Variants in DOCK1 observed in about 807,000 individuals in gnomAD.
DOCK1 encodes dedicator of cytokinesis protein 1.
In DOCK1, 138 loss-of-function variants were observed where a neutral mutation model predicts 262.7. The ratio of observed to expected loss-of-function variants is 0.53; its 90% confidence interval spans 0.46 to 0.61. The LOEUF (loss-of-function observed/expected upper bound fraction) is 0.61. Among genes scored for constraint, DOCK1 ranks in the 20% least tolerant of loss-of-function variants. DOCK1 has a pLI of 0.00. For synonymous variants in DOCK1, 866 were observed against 867.4 expected (o/e 1.00, Z 0.03); for missense variants, 1,908 against 2,370.7 (o/e 0.80, Z 4.05).
Position 127,274,600 on chromosome 10 carries a change from G to A in DOCK1, c.3044+17171G>A, listed in dbSNP as rs867772516. Among the ~76,000 whole-genome samples, 5 of 152,160 alleles carry A rather than the reference G, an allele frequency of 3.3e-5. No homozygotes were observed. In the South Asian group the frequency reaches 6.2e-4, roughly 19 times the overall value. On this transcript the variant is annotated intron_variant, in intron 29 of 51. Coordinates refer to ENST00000623213, the MANE Select transcript of DOCK1 (RefSeq NM_001290223.2). The stretch of plus-strand genomic sequence containing the variant: ...CATGTTTTGCAGGCCACATGAACCT[G>A]TACAAACTAGATGTAAGAAGTGAAG...
chr10:126,980,367 A>G (rs1040590898), intron 3 of DOCK1, among the ~76,000 whole-genome samples: 7 of 151,788 alleles, frequency 4.6e-5, no homozygotes, highest in African/African-American at 1.7e-4. Context: ...AATTTGTAAA[A>G]AAAATTTCGG....
At chr10:127,325,902 A>T (rs1012736549) in intron 29 of DOCK1, among the ~76,000 whole-genome samples, 5 of 152,232 alleles carry the variant, frequency 3.3e-5, no homozygotes, top group African/African-American at 1.2e-4. Flanking sequence ...ACCACGAAAA[A>T]GTGAAGTTTG....
At chr10:127,079,749 G>A (rs2046791876) in intron 23 of DOCK1, among the ~76,000 whole-genome samples, 1 of 152,126 alleles carries the variant, frequency 6.6e-6, no homozygotes, top group Non-Finnish European at 1.5e-5. Context: ...TGACCAATGT[G>A]GTGAAACCCT....
At chr10:127,031,381 C>T (rs573632837) in intron 16 of DOCK1, among the ~76,000 whole-genome samples, 4 of 152,278 alleles carry the variant, frequency 2.6e-5, no homozygotes, top group Non-Finnish European at 5.9e-5. Flanking sequence ...TCCGTTTTCA[C>T]GTTCCAGGAA....
intron 27 of DOCK1, among the ~76,000 whole-genome samples, chr10:127,155,397 G>C (rs2052942588): frequency 6.6e-6 from 1 of 152,020 alleles, no homozygotes; most frequent in South Asian, 2.1e-4. Context: ...AGTGTTGCCA[G>C]GCACTTTCTG....
At chr10:127,305,991 C>T (rs1007385011) in intron 29 of DOCK1, among the ~76,000 whole-genome samples, 14 of 149,344 alleles carry the variant, frequency 9.4e-5, no homozygotes, top group South Asian at 2.1e-4. Flanking sequence ...AGCTCAAGTA[C>T]GTTTTATGCA....
chr10:127,447,659 A>T, intron 51 of DOCK1, 114 bp downstream of exon 51: 1 of 1,452,726 alleles, frequency 6.9e-7, no homozygotes, highest in Non-Finnish European at 9.1e-7. Context: ...ACATGAGGAA[A>T]ACCATGTATG....
At position 127,175,505 on chromosome 10, in the gene DOCK1, G is replaced by C. The variant is rs757623149; in HGVS notation, c.2847+47741G>C. ...CCAGGGCAGTTTCCGAGGGCGCCTG[G>C]AGCCCGTTGAGATGTGTGGCTCTCC... On this transcript the variant is annotated intron_variant, in intron 27 of 51. Transcript: ENST00000623213. This position sits in a 1 kb window ranked among gnomAD's most constrained non-coding sequence, Gnocchi z 6.3. 1 of 1,608,790 alleles carries C rather than the reference G, an allele frequency of 6.2e-7. No individual in the cohort carries two copies. Among genetic ancestry groups the C allele is most frequent in the South Asian group, 1.1e-5 (1 of 91,070 alleles).
Position 127,031,679 on chromosome 10 carries a change from C to T in DOCK1, c.1654C>T (p.Leu552=). 1.9e-6 allele frequency: 3 copies of T among 1,612,174 alleles called. No homozygotes were observed. The highest frequency in any genetic ancestry group is 8.5e-7 in the Non-Finnish European group (1 of 1,179,656). ...SKDKSEKIFA[L]AFVKLMRYDG... Reference sequence around the variant, plus strand: ...GGATAAATCTGAGAAAATATTTGCACTAGCATTTGTCAAGCTGATGAGATA... The same window carrying T: ...GGATAAATCTGAGAAAATATTTGCATTAGCATTTGTCAAGCTGATGAGATA... Residue 552 remains leucine, a synonymous_variant, in exon 17 of 52, where the codon CTA becomes TTA. Transcript: ENST00000623213.
At chr10:127,105,302 G>A (rs2048468979) in intron 23 of DOCK1, among the ~76,000 whole-genome samples, 1 of 152,124 alleles carries the variant, frequency 6.6e-6, no homozygotes, top group African/African-American at 2.4e-5. Flanking sequence ...TAATACAGGA[G>A]GTCTGTAAGA....
intron 29 of DOCK1, among the ~76,000 whole-genome samples, chr10:127,315,373 A>C (rs551020651): frequency 1.3e-5 from 2 of 152,328 alleles, no homozygotes; most frequent in African/African-American, 4.8e-5. Context: ...TCATTAAGAT[A>C]TGGCCTCATC....
chr10:126,911,851 T>A (rs1189505421), intron 1 of DOCK1, among the ~76,000 whole-genome samples: 1 of 152,178 alleles, frequency 6.6e-6, no homozygotes, highest in South Asian at 2.1e-4. Context: ...GTTCCTCAAT[T>A]TGCTTTTATT....
intron 38 of DOCK1, among the ~76,000 whole-genome samples, chr10:127,402,071 A>G (rs2067256836): frequency 6.6e-6 from 1 of 152,206 alleles, no homozygotes; most frequent in South Asian, 2.1e-4. Flanking sequence ...GTAACTCAGC[A>G]TCCTGCAGTT....
intron 33 of DOCK1, among the ~76,000 whole-genome samples, chr10:127,371,723 A>G (rs1170418000): frequency 6.6e-6 from 1 of 152,186 alleles, no homozygotes; most frequent in Non-Finnish European, 1.5e-5. Context: ...CCCTCATCAA[A>G]CATTTAATCT....
At chr10:126,939,627 C>T (rs2034839049) in intron 1 of DOCK1, among the ~76,000 whole-genome samples, 1 of 152,176 alleles carries the variant, frequency 6.6e-6, no homozygotes, top group Non-Finnish European at 1.5e-5. Flanking sequence ...TCCCAGAGTG[C>T]TGGGATTACA....
rs564386704 is a variant in DOCK1 at position 127,395,198 on chromosome 10, G to T, written c.3928-7857G>T. The stretch of plus-strand genomic sequence containing the variant: ...CCTATAACAAAATGCCACAGACTGG[G>T]TGGTTTATAAACCACAGATTCATTT... On this transcript the variant is annotated intron_variant, in intron 38 of 51. Transcript: ENST00000623213. Among the ~76,000 whole-genome samples, 12 of 152,244 alleles carry T rather than the reference G, an allele frequency of 7.9e-5. No homozygotes were observed. In the East Asian group the frequency reaches 1.7e-3, roughly 22 times the overall value.
At chr10:126,980,833 G>A (rs1404255244) in intron 3 of DOCK1, among the ~76,000 whole-genome samples, 1 of 152,144 alleles carries the variant, frequency 6.6e-6, no homozygotes, top group Non-Finnish European at 1.5e-5. Flanking sequence ...GCAGGAAGCG[G>A]TAGCTGGGCT....
At chr10:126,919,831 C>T (rs1343623755) in intron 1 of DOCK1, among the ~76,000 whole-genome samples, 1 of 152,180 alleles carries the variant, frequency 6.6e-6, no homozygotes, top group Non-Finnish European at 1.5e-5. Context: ...TTCTCTCTTC[C>T]CAGCACCTGC....
intron 1 of DOCK1, among the ~76,000 whole-genome samples, chr10:126,943,094 C>CAAA (rs1243398704): frequency 2.5e-4 from 36 of 142,630 alleles, no homozygotes; most frequent in African/African-American, 9.0e-4. Context: ...CTATCTCTAC[C>CAAA]AAAAAAAAAA....
Sources: gnomAD v4.1 joint callset for allele counts (sites outside exome capture counted in the v4.1 genomes callset) on GRCh38, gnomAD v4.1.1 for gene constraint, Gnocchi (gnomAD v3.1) non-coding constraint, MANE v1.5 for transcripts, NCBI Gene and HGNC (gene_info 2026-07-23, HGNC 2026-07-21) for gene names.